Variants in GCNT2 observed in about 807,000 individuals in gnomAD.
The protein encoded by GCNT2 is N-acetyllactosaminide beta-1,6-N-acetylglucosaminyl-transferase.
GCNT2 carries 34 observed loss-of-function variants against 34.2 expected under a neutral mutation model. That is an observed-to-expected ratio of 1.00 (90% CI 0.76 to 1.32). GCNT2 has a LOEUF of 1.32. Among genes scored for constraint, GCNT2 ranks in the 40% most tolerant of loss-of-function variants. GCNT2 has a pLI of 0.00. For synonymous variants in GCNT2, 212 were observed against 188.0 expected (o/e 1.13, Z -1.04); for missense variants, 584 against 489.4 (o/e 1.19, Z -1.82).
intron 3 of GCNT2, among the ~76,000 whole-genome samples, chr6:10,568,471 A>C (rs1041818990): frequency 6.6e-6 from 1 of 152,198 alleles, no homozygotes. Context: ...CCTGTCAAGC[A>C]GACTATTGTC....
intron 3 of GCNT2, among the ~76,000 whole-genome samples, chr6:10,534,825 A>G (rs916833056): frequency 6.6e-6 from 1 of 152,112 alleles, no homozygotes; most frequent in Non-Finnish European, 1.5e-5. Flanking sequence ...TAGCACCACT[A>G]CCCTCAGACT....
rs752432207 is a variant in GCNT2, at chr6:10,529,088, C to T, written c.177C>T (p.Tyr59=). The T allele has an allele frequency of 1.8e-5, 29 of 1,613,956 alleles. No individual in the cohort carries two copies. The highest frequency in any genetic ancestry group is 2.4e-5 in the Non-Finnish European group (28 of 1,180,004). Residue 59 remains tyrosine (Y), a synonymous_variant, in exon 3 of 5, where the codon TAC becomes TAT. Transcript: ENST00000495262. Reference sequence around the variant, plus strand: ...AGATTTTTGAGGGGAAAGTTTTTTACCCAACAGAAAATGCATTGAAAACTA... The same window carrying T: ...AGATTTTTGAGGGGAAAGTTTTTTATCCAACAGAAAATGCATTGAAAACTA... ...CHQIFEGKVF[Y]PTENALKTTL...
Position 10,619,993 on chromosome 6 carries a change from T to A in GCNT2, c.926-1358T>A, listed in dbSNP as rs902455392. On this transcript the variant is annotated intron_variant, in intron 3 of 4. Coordinates refer to ENST00000495262, the MANE Select transcript of GCNT2 (RefSeq NM_145649.5). ...CAGCTCTTCTGTTTCCTTCTTCCAA[T>A]GTTGAGGACCCTTGTGATTACATTT... Among the ~76,000 whole-genome samples the A allele has an allele frequency of 1.8e-4, 27 of 152,220 alleles. 1 individual carries two copies. The highest frequency in any genetic ancestry group is 6.5e-5 in the Admixed American group (1 of 15,284).
At chr6:10,577,925 C>T (rs1278634121) in intron 3 of GCNT2, among the ~76,000 whole-genome samples, 1 of 152,162 alleles carries the variant, frequency 6.6e-6, no homozygotes, top group African/African-American at 2.4e-5. Context: ...CAGCGCTTTG[C>T]ATAACACTTA....
At chr6:10,548,737 A>G (rs1762365088) in intron 3 of GCNT2, among the ~76,000 whole-genome samples, 1 of 151,486 alleles carries the variant, frequency 6.6e-6, no homozygotes, top group South Asian at 2.1e-4. Flanking sequence ...TCATTGTTGC[A>G]TAGAGAGAAG....
intron 3 of GCNT2, among the ~76,000 whole-genome samples, chr6:10,571,439 C>T (rs1420307334): frequency 6.6e-6 from 1 of 152,130 alleles, no homozygotes; most frequent in Non-Finnish European, 1.5e-5. Flanking sequence ...GCAACCTCCG[C>T]CTCCCAGGTT....
chr6:10,534,540 C>T (rs906964491), intron 3 of GCNT2, among the ~76,000 whole-genome samples: 9 of 152,102 alleles, frequency 5.9e-5, no homozygotes, highest in African/African-American at 1.7e-4. Context: ...TGAGGATCCC[C>T]GTTCTCATTC....
chr6:10,525,862 A>G (rs1284128380), intron 1 of GCNT2, among the ~76,000 whole-genome samples: 1 of 152,240 alleles, frequency 6.6e-6, no homozygotes, highest in Admixed American at 6.5e-5. Context: ...AAATAATTCA[A>G]GATGCTTCTA....
At chr6:10,561,381 C>T (rs1462977868) in intron 3 of GCNT2, among the ~76,000 whole-genome samples, 1 of 152,168 alleles carries the variant, frequency 6.6e-6, no homozygotes, top group African/African-American at 2.4e-5. Flanking sequence ...AGGCTGGTCT[C>T]GAACTCCCGA....
intron 1 of GCNT2, among the ~76,000 whole-genome samples, chr6:10,521,863 A>G (rs1388467771): frequency 6.6e-6 from 1 of 151,924 alleles, no homozygotes; most frequent in Admixed American, 6.6e-5. Flanking sequence ...AAATGTTTCC[A>G]GAATTTGATA....
At chr6:10,536,507 A>C (rs1761760332) in intron 3 of GCNT2, among the ~76,000 whole-genome samples, 1 of 148,414 alleles carries the variant, frequency 6.7e-6, no homozygotes, top group Admixed American at 6.7e-5. Flanking sequence ...GGCGCCCACC[A>C]CTGTGCCCGG....
At chr6:10,605,165 A>T (rs923292492) in intron 3 of GCNT2, among the ~76,000 whole-genome samples, 3 of 150,474 alleles carry the variant, frequency 2.0e-5, no homozygotes, top group Non-Finnish European at 3.0e-5. Context: ...AAAACAAAAA[A>T]CAGGTGTTCT....
intron 3 of GCNT2, chr6:10,586,174 A>T (rs1175308273): frequency 1.2e-6 from 2 of 1,614,158 alleles, no homozygotes; most frequent in Non-Finnish European, 1.7e-6. Flanking sequence ...TTTTTGTGGG[A>T]AAATATATTA....
Position 10,592,136 on chromosome 6 carries a change from G to C in GCNT2, c.926-29215G>C, listed in dbSNP as rs1009092563. On this transcript the variant is annotated intron_variant, in intron 3 of 4. Transcript: ENST00000495262. Reference sequence around the variant, plus strand: ...TTCGAGTCTAAAATAACGCTACTTGGGGGGGCTGGAGGACAATCCACACTG... The same window carrying C: ...TTCGAGTCTAAAATAACGCTACTTGCGGGGGCTGGAGGACAATCCACACTG... Among the ~76,000 whole-genome samples the C allele has an allele frequency of 4.0e-5, 6 of 150,814 alleles. No individual in the cohort carries two copies. The East Asian group carries it at 5.8e-4, about 15-fold the overall frequency.
chr6:10,567,139 T>A (rs1453604757), intron 3 of GCNT2, among the ~76,000 whole-genome samples: 1 of 152,078 alleles, frequency 6.6e-6, no homozygotes, highest in Non-Finnish European at 1.5e-5. Flanking sequence ...GGCAACATAG[T>A]GAGACCACAT....
At chr6:10,546,731 TTTTA>T (rs1171085275) in intron 3 of GCNT2, among the ~76,000 whole-genome samples, 1 of 151,934 alleles carries the variant, frequency 6.6e-6, no homozygotes, top group Non-Finnish European at 1.5e-5. Flanking sequence ...GTTTTCAACC[TTTTA>T]TTTTATTTAT....
At chr6:10,543,272 C>T (rs767441458) in intron 3 of GCNT2, among the ~76,000 whole-genome samples, 24 of 151,544 alleles carry the variant, frequency 1.6e-4, no homozygotes, top group Non-Finnish European at 3.2e-4. Context: ...GGCTCCATCT[C>T]AGCTCACTGC....
chr6:10,620,110 C>A lies in GCNT2; in HGVS notation c.926-1241C>A, dbSNP rs561693348. On this transcript the variant is annotated intron_variant, in intron 3 of 4. Transcript: ENST00000495262. The stretch of plus-strand genomic sequence containing the variant: ...CCTTTGCTGTGTAAAATAACATATT[C>A]TCAGGTTCCAGGGATTAGGATGTAG... Among the ~76,000 whole-genome samples the A allele has an allele frequency of 7.2e-5, 11 of 152,304 alleles. No individual in the cohort carries two copies. In the South Asian group the frequency reaches 2.3e-3, roughly 32 times the overall value.
At chr6:10,600,825 G>C (rs1765060022) in intron 3 of GCNT2, among the ~76,000 whole-genome samples, 1 of 151,990 alleles carries the variant, frequency 6.6e-6, no homozygotes, top group South Asian at 2.1e-4. Flanking sequence ...GGAGTGCAGT[G>C]ATGCGATCTT....
Sources: allele counts gnomAD v4.1 joint callset (sites outside exome capture counted in the v4.1 genomes callset), GRCh38; gene constraint gnomAD v4.1.1; transcripts MANE v1.5; gene names NCBI Gene and HGNC (gene_info 2026-07-23, HGNC 2026-07-21).